Variants in LRRC63 observed in about 807,000 individuals in gnomAD.
The protein encoded by LRRC63 is leucine-rich repeat-containing protein 63.
In LRRC63, 40 loss-of-function variants were observed where a neutral mutation model predicts 49.5. The observed-to-expected ratio is 0.81, with a 90% confidence interval of 0.63 to 1.05. LRRC63 has a LOEUF of 1.05. Ranked by LOEUF, LRRC63 falls within the 50% of genes least tolerant of loss-of-function variation. LRRC63 has a pLI of 0.00. For synonymous variants in LRRC63, 191 were observed against 221.1 expected, an observed-to-expected ratio of 0.86 and a Z score of 1.21; for missense variants, 636 against 663.1, an observed-to-expected ratio of 0.96 and a Z score of 0.45.
intron 5 of LRRC63, among the ~76,000 whole-genome samples, chr13:46,234,937 A>G (rs1024611465): frequency 2.0e-5 from 3 of 152,164 alleles, no homozygotes; most frequent in Non-Finnish European, 2.9e-5. Context: ...ATTTTGAAAT[A>G]AGTTCTAACT....
Position 46,228,082 on chromosome 13 carries a change from AT to A in LRRC63, c.660del (p.Phe220LeufsTer7), listed in dbSNP as rs1256539827. ...AAACCAGAAGGACAGTGGCCTGAAC[AT>A]TTTAAATCAACTGCTACATTGACAC... On this transcript the variant is annotated frameshift_variant, in exon 3 of 10. Transcript: ENST00000595396. LOFTEE classifies it high-confidence loss of function. The A allele has an allele frequency of 6.4e-6, 10 of 1,550,990 alleles. No homozygotes were observed. The highest frequency in any genetic ancestry group is 8.7e-6 in the Non-Finnish European group (10 of 1,147,048).
At chr13:46,247,114 C>T (rs1193769452) in intron 6 of LRRC63, among the ~76,000 whole-genome samples, 2 of 152,014 alleles carry the variant, frequency 1.3e-5, no homozygotes, top group African/African-American at 2.4e-5. Flanking sequence ...GGACAAATTA[C>T]GTTTTTCGTG....
Position 46,250,278 on chromosome 13 carries a change from G to A in LRRC63, c.1090-77G>A, listed in dbSNP as rs963589982. 16 of 1,250,340 alleles carry A rather than the reference G, an allele frequency of 1.3e-5. No individual in the cohort carries two copies. The East Asian group carries it at 3.9e-4, about 30-fold the overall frequency. 77.5% of individuals were successfully genotyped at this position (1,250,340 alleles called of 1,614,324 possible). ...TAATGATTCTACATTAGTTCAGAGA[G>A]TTTATAAAAGGTAACAAATAATGAT... is the stretch of plus-strand genomic sequence containing the variant. On this transcript the variant is annotated intron_variant, in intron 6 of 9. Coordinates refer to ENST00000595396, the Ensembl canonical transcript of LRRC63.
chr13:46,242,367 T>G (rs1387336798), intron 5 of LRRC63, among the ~76,000 whole-genome samples: 2 of 152,118 alleles, frequency 1.3e-5, no homozygotes, highest in African/African-American at 4.8e-5. Flanking sequence ...TAGTGGGTAC[T>G]AGGCTTAATA....
intron 7 of LRRC63, among the ~76,000 whole-genome samples, chr13:46,254,845 T>G (rs1290432592): frequency 6.6e-6 from 1 of 152,164 alleles, no homozygotes; most frequent in Non-Finnish European, 1.5e-5. Context: ...CATTCATGTG[T>G]AAGATGGAGA....
chr13:46,234,195 T>G lies in LRRC63; in HGVS notation c.836T>G (p.Leu279Arg), dbSNP rs1340595265. Residue 279 changes from leucine to arginine, a missense_variant, in exon 5 of 10, where the codon CTC becomes CGC. By Grantham distance (102) the Leu-to-Arg change is moderately radical. Transcript: ENST00000595396. Reference sequence around the variant, plus strand: ...TTGTTTTGTTTTGTTTATTTAGGTCTCACCAAAACTGAAAAAATAGAATCA... The same window carrying G: ...TTGTTTTGTTTTGTTTATTTAGGTCGCACCAAAACTGAAAAAATAGAATCA... 13 of 1,548,088 alleles carry G rather than the reference T, an allele frequency of 8.4e-6. No individual in the cohort carries two copies. In the Admixed American group the frequency reaches 1.8e-4, roughly 21 times the overall value.
chr13:46,253,520 T>C (rs1594081869), intron 7 of LRRC63, among the ~76,000 whole-genome samples: 1 of 151,838 alleles, frequency 6.6e-6, no homozygotes, highest in East Asian at 1.9e-4. Flanking sequence ...CTAAGAAAGG[T>C]GTATCTGAGG....
In LRRC63 at chr13:46,254,250, T is replaced by G. The variant is rs539361585; in HGVS notation, c.1226+3759T>G. On this transcript the variant is annotated intron_variant, in intron 7 of 9. Transcript: ENST00000595396. ...AGCTTTAGATGCAATGTGAGAAGAGTGATTAGACAAAAGCTATAGAGAAAG... is the reference window on the plus strand; with the variant it reads ...AGCTTTAGATGCAATGTGAGAAGAGGGATTAGACAAAAGCTATAGAGAAAG... Among the ~76,000 whole-genome samples the G allele has an allele frequency of 6.8e-4, 104 of 152,142 alleles. 1 individual carries two copies. Among genetic ancestry groups the G allele is most frequent in the Non-Finnish European group, 1.0e-3 (68 of 67,992 alleles).
chr13:46,214,615 G>A (rs1456646517), intron 2 of LRRC63, among the ~76,000 whole-genome samples: 1 of 151,244 alleles, frequency 6.6e-6, no homozygotes, highest in Non-Finnish European at 1.5e-5. Flanking sequence ...TTTGCACATA[G>A]TAGGTGATCA....
At chr13:46,228,665 A>G in exon 4 of LRRC63, 1 of 1,536,796 alleles carries the variant, frequency 6.5e-7, no homozygotes, top group Non-Finnish European at 8.8e-7. Flanking sequence ...ATTTTTCTAG[A>G]AACTCTTGTA....
At chr13:46,252,535 G>A (rs184361502) in intron 7 of LRRC63, among the ~76,000 whole-genome samples, 19 of 152,130 alleles carry the variant, frequency 1.2e-4, no homozygotes, top group Admixed American at 4.6e-4. Context: ...CACCTAAAAG[G>A]AAGGCAGACA....
exon 10 of LRRC63, chr13:46,276,826 G>GTATATATATATATATATATATATATATA (rs752992115): frequency 3.0e-5 from 5 of 165,322 alleles, no homozygotes; most frequent in Admixed American, 8.1e-5. Flanking sequence ...TCGTATGTGT[G>GTATATATATATATATATATATATATATA]TGTATATATA....
chr13:46,225,857 A>G (rs2138394516), intron 2 of LRRC63, among the ~76,000 whole-genome samples: 1 of 152,338 alleles, frequency 6.6e-6, no homozygotes, highest in Admixed American at 6.5e-5. Flanking sequence ...TATAGTGTAC[A>G]ATCAGACTGT....
chr13:46,227,380 G>C, intron 2 of LRRC63, 132 bp from the exon 3 acceptor site: 1 of 599,420 alleles, frequency 1.7e-6, no homozygotes, highest in Non-Finnish European at 2.7e-6. Flanking sequence ...TGGTAGCTGA[G>C]CAAGTGTATA....
chr13:46,221,185 G>T (rs956974797), intron 2 of LRRC63, among the ~76,000 whole-genome samples: 1 of 152,204 alleles, frequency 6.6e-6, no homozygotes, highest in Non-Finnish European at 1.5e-5. Context: ...CAATAAATAT[G>T]TGTTGTATTA....
At chr13:46,276,036 G>A (rs1037439503) in intron 9 of LRRC63, among the ~76,000 whole-genome samples, 2 of 152,182 alleles carry the variant, frequency 1.3e-5, no homozygotes, top group Non-Finnish European at 2.9e-5. Flanking sequence ...AGCTTTACCT[G>A]TGTTCTCTTG....
chr13:46,258,124 C>CTTTTTTT (rs61630248), intron 7 of LRRC63, among the ~76,000 whole-genome samples: 2 of 100,582 alleles, frequency 2.0e-5, no homozygotes, highest in African/African-American at 4.5e-5. Flanking sequence ...GTGACCTACT[C>CTTTTTTT]TTTTTTTTTT....
chr13:46,212,576 G>T (rs916240429), intron 1 of LRRC63, among the ~76,000 whole-genome samples: 1 of 152,098 alleles, frequency 6.6e-6, no homozygotes, highest in Non-Finnish European at 1.5e-5. Flanking sequence ...ATCTAATGAA[G>T]GCATCTTCTA....
intron 6 of LRRC63, among the ~76,000 whole-genome samples, chr13:46,249,766 A>G (rs1188749810): frequency 1.3e-5 from 2 of 151,986 alleles, no homozygotes; most frequent in Non-Finnish European, 2.9e-5. Flanking sequence ...GAGAACTAAT[A>G]TAAGACCTTG....
Sources: allele counts gnomAD v4.1 joint callset (sites outside exome capture counted in the v4.1 genomes callset), GRCh38; gene constraint gnomAD v4.1.1; transcripts MANE v1.5; gene names NCBI Gene and HGNC (gene_info 2026-07-23, HGNC 2026-07-21).